The following TAOK3 variants were observed in gnomAD, a reference collection of about 807,000 sequenced individuals.
The protein encoded by TAOK3 is serine/threonine-protein kinase TAO3.
Under a neutral mutation model 120.4 loss-of-function variants are expected in TAOK3, and 40 were observed. The ratio of observed to expected loss-of-function variants is 0.33; its 90% CI spans 0.26 to 0.43. The LOEUF (loss-of-function observed/expected upper bound fraction) is 0.43, where lower values mean the gene tolerates loss of function less well. Among genes scored for constraint, TAOK3 ranks in the 20% least tolerant of loss-of-function variants. The pLI, the probability that TAOK3 is intolerant of heterozygous loss-of-function variation, is 1.00. For synonymous variants in TAOK3, 355 were observed against 387.5 expected (o/e 0.92, Z 0.99); for missense variants, 821 against 1,112.1 (o/e 0.74, Z 3.72).
At chr12:118,191,431 C>G (rs1023814252) in intron 13 of TAOK3, among the ~76,000 whole-genome samples, 1 of 152,128 alleles carries the variant, frequency 6.6e-6, no homozygotes, top group South Asian at 2.1e-4. Context: ...AGTGACCAGC[C>G]ACATATGACT....
intron 1 of TAOK3, among the ~76,000 whole-genome samples, chr12:118,321,021 G>A (rs1214586308): frequency 6.6e-6 from 1 of 152,126 alleles, no homozygotes; most frequent in Non-Finnish European, 1.5e-5. Context: ...TATGCATAAT[G>A]TGTTACATTT....
chr12:118,318,702 G>A (rs888399953), intron 1 of TAOK3, among the ~76,000 whole-genome samples: 3 of 152,134 alleles, frequency 2.0e-5, no homozygotes, highest in Admixed American at 6.5e-5. Context: ...TTAGAACTAC[G>A]ATATGACCTG....
At chr12:118,289,824 C>T (rs2042406071) in intron 1 of TAOK3, among the ~76,000 whole-genome samples, 1 of 151,920 alleles carries the variant, frequency 6.6e-6, no homozygotes, top group Admixed American at 6.6e-5. Context: ...GCGAAACCCC[C>T]ATCTCTACTA....
intron 1 of TAOK3, among the ~76,000 whole-genome samples, chr12:118,358,439 T>C (rs956814575): frequency 1.3e-5 from 2 of 152,184 alleles, no homozygotes; most frequent in African/African-American, 4.8e-5. Context: ...TGAAGAAAAA[T>C]AGGAGGCAGG....
chr12:118,151,566 G>GC (rs2034443325), intron 20 of TAOK3, among the ~76,000 whole-genome samples: 1 of 152,148 alleles, frequency 6.6e-6, no homozygotes, highest in Admixed American at 6.5e-5. Context: ...AGAGCCAAAT[G>GC]CCTCCTGGGT....
chr12:118,202,106 G>A (rs1270375555), intron 11 of TAOK3, among the ~76,000 whole-genome samples: 1 of 150,524 alleles, frequency 6.6e-6, no homozygotes, highest in South Asian at 2.1e-4. Flanking sequence ...ATGTATTGCT[G>A]CAAATGGCAG....
At chr12:118,339,356 C>T (rs1707350) in intron 1 of TAOK3, among the ~76,000 whole-genome samples, 1 of 137,590 alleles carries the variant, frequency 7.3e-6, no homozygotes, top group East Asian at 2.2e-4. Context: ...GCGATCTCGG[C>T]TCACCGCAAC....
chr12:118,245,187 C>A (rs1002483098), intron 3 of TAOK3, among the ~76,000 whole-genome samples: 4 of 152,184 alleles, frequency 2.6e-5, no homozygotes, highest in Non-Finnish European at 5.9e-5. Flanking sequence ...CACGCACCAC[C>A]ATGCCACGCT....
rs2037687288 is a variant in TAOK3, at chr12:118,195,788, T to C, written c.1194+3263A>G. 3.3e-5 allele frequency among the ~76,000 whole-genome samples: 5 copies of C among 152,180 alleles called. No homozygotes were observed. The South Asian group carries it at 1.0e-3, about 31-fold the overall frequency. On this transcript the variant is annotated intron_variant, in intron 13 of 20. Transcript: ENST00000392533. The stretch of plus-strand genomic sequence containing the variant: ...GGATTGGGCCAGTCGCAGTGCCTCA[T>C]GCCTGTAATCCCAGCACTTTGGGAG...
intron 1 of TAOK3, among the ~76,000 whole-genome samples, chr12:118,279,195 C>T (rs547699265): frequency 1.3e-5 from 2 of 152,042 alleles, no homozygotes; most frequent in Non-Finnish European, 2.9e-5. Context: ...AGCATTTTTT[C>T]GTATGCTTGT....
At chr12:118,287,651 T>G (rs1199158733) in intron 1 of TAOK3, among the ~76,000 whole-genome samples, 1 of 152,240 alleles carries the variant, frequency 6.6e-6, no homozygotes, top group East Asian at 1.9e-4. Context: ...GGTCTTGGAG[T>G]TGGTCAAGAC....
At chr12:118,191,396 C>A (rs2037422227) in intron 13 of TAOK3, among the ~76,000 whole-genome samples, 1 of 152,202 alleles carries the variant, frequency 6.6e-6, no homozygotes, top group African/African-American at 2.4e-5. Flanking sequence ...CACGTATATT[C>A]TGCAGCTGCG....
Position 118,201,458 on chromosome 12 carries a change from G to T in TAOK3, c.825C>A (p.Asp275Glu). The T allele has an allele frequency of 6.2e-7, 1 of 1,608,540 alleles. No individual in the cohort carries two copies. The highest frequency in any genetic ancestry group is 1.1e-5 in the South Asian group (1 of 90,286). Residue 275 changes from aspartate (D) to glutamate (E), a missense_variant, in exon 12 of 21, where the codon GAC (aspartate) becomes GAA (glutamate). Transcript: ENST00000392533. ...GTAGTGGCCGGTCTCGTCGAACAAA[G>T]TCATGCTGATTGAGGGAGGAGGAAA... is the stretch of plus-strand genomic sequence containing the variant. The part of the protein sequence containing the change: ...RPTSAELLRH[D>E]FVRRDRPLRV...
chr12:118,342,800 A>G (rs958118320), intron 1 of TAOK3, among the ~76,000 whole-genome samples: 1 of 151,858 alleles, frequency 6.6e-6, no homozygotes, highest in Non-Finnish European at 1.5e-5. Flanking sequence ...CAGGCAAGGT[A>G]GCAGGTGCCT....
chr12:118,225,997 T>TGG (rs1490632608), intron 9 of TAOK3, among the ~76,000 whole-genome samples: 1 of 152,254 alleles, frequency 6.6e-6, no homozygotes, highest in Non-Finnish European at 1.5e-5. Context: ...CCCAACACTT[T>TGG]GGGAGGCCGA....
chr12:118,262,451 T>C (rs2041270628), intron 2 of TAOK3, among the ~76,000 whole-genome samples: 2 of 151,124 alleles, frequency 1.3e-5, no homozygotes, highest in Admixed American at 6.6e-5. Context: ...TACTACACTC[T>C]AGCCGGGGCG....
At chr12:118,269,941 T>G (rs1200887657) in intron 1 of TAOK3, among the ~76,000 whole-genome samples, 1 of 152,200 alleles carries the variant, frequency 6.6e-6, no homozygotes, top group East Asian at 1.9e-4. Context: ...GTCTCTTGGA[T>G]CCCATGAAAC....
intron 1 of TAOK3, among the ~76,000 whole-genome samples, chr12:118,358,372 T>C (rs2045477891): frequency 6.6e-6 from 1 of 152,194 alleles, no homozygotes; most frequent in Non-Finnish European, 1.5e-5. Context: ...GTCTCTAAAT[T>C]TGGTATTACA....
At chr12:118,242,163 A>G (rs1203163941) in intron 5 of TAOK3, among the ~76,000 whole-genome samples, 1 of 151,942 alleles carries the variant, frequency 6.6e-6, no homozygotes, top group African/African-American at 2.4e-5. Context: ...AATACATGAG[A>G]TTTTAGCACT....
Sources: gnomAD v4.1 joint callset for allele counts (sites outside exome capture counted in the v4.1 genomes callset) on GRCh38, gnomAD v4.1.1 for gene constraint, MANE v1.5 for transcripts, NCBI Gene and HGNC (gene_info 2026-07-23, HGNC 2026-07-21) for gene names.